The following PCDHGA12 variants were observed in gnomAD, a reference collection of about 807,000 sequenced individuals.
PCDHGA12 encodes the protein protocadherin gamma subfamily A, 12, also known as protocadherin gamma-A12.
Under a neutral mutation model 61.1 loss-of-function variants are expected in PCDHGA12, and 43 were observed. The ratio of observed to expected loss-of-function variants is 0.70; its 90% CI spans 0.55 to 0.91. The LOEUF is 0.91. PCDHGA12 is among the 40% of genes least tolerant of loss of function. The probability of loss-of-function intolerance (pLI) is 0.00; values close to 1 mark genes in which losing one functional copy is unlikely to be tolerated. For missense variants in PCDHGA12, 1,236 were observed against 1,227.7 expected (o/e 1.01, Z -0.10); for synonymous variants, 520 against 542.9 (o/e 0.96, Z 0.59).
chr5:141,484,958 G>C (rs2099604320), intron 1 of PCDHGA12: 1 of 575,756 alleles, frequency 1.7e-6, no homozygotes, highest in Non-Finnish European at 3.1e-6. Flanking sequence ...TATTGGCTGA[G>C]CCCGGGAGCC....
In PCDHGA12 at chr5:141,432,827, A is replaced by G. The variant is rs758445645; in HGVS notation, c.2068A>G (p.Thr690Ala). ...AGCTAACTCTGAAACCTCAGACCTC[A>G]CTCTGTACCTGGTGGTAGCGGTGGC... ...SPANSETSDL[T>A]LYLVVAVAAV... The change falls in exon 1 of 4, where the codon ACT becomes GCT. Residue 690 changes from threonine (T) to alanine (A), a missense_variant. By Grantham distance (58) the Thr-to-Ala change is moderately conservative. Transcript: ENST00000252085. The surrounding 1 kb of genome is among the most constrained non-coding windows in gnomAD (Gnocchi z 6.0). 9 of 1,613,142 alleles carry G rather than the reference A, an allele frequency of 5.6e-6. No individual in the cohort carries two copies. Among genetic ancestry groups the G allele is most frequent in the Admixed American group, 1.7e-5 (1 of 59,958 alleles).
At position 141,432,069 on chromosome 5, in the gene PCDHGA12, A is replaced by G. The variant is rs572724741; in HGVS notation, c.1310A>G (p.His437Arg). The change falls in exon 1 of 4, where the codon CAT becomes CGT. Residue 437 changes from histidine to arginine, a missense_variant. Physicochemically the swap from His to Arg is conservative, Grantham distance 29. Transcript: ENST00000252085. The surrounding 1 kb of genome is among the most constrained non-coding windows in gnomAD (Gnocchi z 6.0). ...ACCCCGCCCCTATCCACGGAAACTC[A>G]TATCTCGCTGAACGTGGCAGACACC... The part of the protein sequence containing the change: ...RGTPPLSTET[H>R]ISLNVADTND... 646 of 1,614,168 alleles carry G rather than the reference A, an allele frequency of 4.0e-4. 5 individuals are homozygous for G. In the South Asian group the frequency reaches 6.9e-3, roughly 17 times the overall value.
chr5:141,472,505 A>G (rs1041224118), intron 1 of PCDHGA12, among the ~76,000 whole-genome samples: 4 of 152,004 alleles, frequency 2.6e-5, no homozygotes, highest in African/African-American at 7.3e-5. Context: ...GTGCCACTGC[A>G]CTCCAGCCTG....
chr5:141,511,486 TC>T lies in PCDHGA12; in HGVS notation c.*315del. The T allele has an allele frequency of 2.2e-6, 1 of 449,906 alleles. No homozygotes were observed. 27.9% of individuals were successfully genotyped at this position (449,906 alleles called of 1,614,324 possible). A position where few individuals can be genotyped will look rare whatever the true frequency, so the allele number is the denominator to read the frequency against. On this transcript the variant is annotated 3_prime_UTR_variant, in exon 4 of 4. Transcript: ENST00000252085. ...CCCCGTTTAGTTACAGCTGAACTCC[TC>T]CATCTTCCAAATCAATCAGGCCCAT...
chr5:141,491,291 C>A lies in PCDHGA12; in HGVS notation c.2425-3516C>A. The A allele has an allele frequency of 8.1e-6, 13 of 1,614,152 alleles. No individual in the cohort carries two copies. Among genetic ancestry groups the A allele is most frequent in the Non-Finnish European group, 1.1e-5 (13 of 1,179,974 alleles). On this transcript the variant is annotated intron_variant, in intron 1 of 3. Transcript: ENST00000252085. This position sits in a 1 kb window ranked among gnomAD's most constrained non-coding sequence, Gnocchi z 6.9. The stretch of plus-strand genomic sequence containing the variant: ...AAATCCAGTGACTTCCTCATACACC[C>A]TCCTGAGCGTTCAGACCTTACCCTT...
chr5:141,495,943 CTGT>C (rs1324780860), intron 2 of PCDHGA12, among the ~76,000 whole-genome samples: 1 of 152,010 alleles, frequency 6.6e-6, no homozygotes, highest in Non-Finnish European at 1.5e-5. Flanking sequence ...GTCTCTGTGC[CTGT>C]TGTCTTTTTC....
chr5:141,508,077 G>T (rs1166570509), intron 3 of PCDHGA12: 1 of 152,446 alleles, frequency 6.6e-6, no homozygotes, highest in Non-Finnish European at 1.5e-5. Context: ...GGCTACTCTG[G>T]AGTTGCTGCC....
chr5:141,464,483 C>G (rs192469583), intron 1 of PCDHGA12, among the ~76,000 whole-genome samples: 32 of 151,368 alleles, frequency 2.1e-4, no homozygotes, highest in African/African-American at 7.3e-4. Flanking sequence ...ATAATAAATT[C>G]CTAATAGTGT....
In PCDHGA12 at chr5:141,487,715, C is replaced by T. The variant is rs1209272301; in HGVS notation, c.2425-7092C>T. 2.5e-6 allele frequency: 4 copies of T among 1,582,708 alleles called. No individual in the cohort carries two copies. The highest frequency in any genetic ancestry group is 1.8e-5 in the Admixed American group (1 of 54,696). The stretch of plus-strand genomic sequence containing the variant: ...GAGTACTGGCCTCTCAGTAAGTGCC[C>T]ATAGTGATGTCACCATTTTTGTAAG... On this transcript the variant is annotated intron_variant, in intron 1 of 3. Transcript: ENST00000252085. This position sits in a 1 kb window ranked among gnomAD's most constrained non-coding sequence, Gnocchi z 5.0.
At chr5:141,470,780 T>G (rs1436746772) in intron 1 of PCDHGA12, among the ~76,000 whole-genome samples, 1 of 152,194 alleles carries the variant, frequency 6.6e-6, no homozygotes, top group Non-Finnish European at 1.5e-5. Flanking sequence ...CTTGAATTCC[T>G]GGGCTCAAGC....
rs143779180 is a variant in PCDHGA12 at position 141,485,438 on chromosome 5, C to A, written c.2425-9369C>A. The A allele has an allele frequency of 9.9e-6, 16 of 1,614,170 alleles. No individual in the cohort carries two copies. The African/African-American group carries it at 1.3e-4, about 13-fold the overall frequency. Reference sequence around the variant, plus strand: ...CAGCGGAGCCCTGCTCATCAAGAACCCAATCGACCGAGAGGCACTGTGTGG... The same window carrying A: ...CAGCGGAGCCCTGCTCATCAAGAACACAATCGACCGAGAGGCACTGTGTGG... On this transcript the variant is annotated intron_variant, in intron 1 of 3. Coordinates refer to ENST00000252085, the MANE Select transcript of PCDHGA12 (RefSeq NM_003735.3). The surrounding 1 kb of genome is among the most constrained non-coding windows in gnomAD (Gnocchi z 5.7).
At chr5:141,482,530 C>CTAAAAA in intron 1 of PCDHGA12, among the ~76,000 whole-genome samples, 1 of 76,560 alleles carries the variant, frequency 1.3e-5, no homozygotes, top group African/African-American at 4.8e-5. Context: ...GACAGACATG[C>CTAAAAA]AAAAAAAAAA....
chr5:141,459,757 G>A (rs1360124889), intron 1 of PCDHGA12, among the ~76,000 whole-genome samples: 3 of 152,162 alleles, frequency 2.0e-5, no homozygotes, highest in Admixed American at 2.0e-4. Context: ...ATTCTAGTGG[G>A]TGTGTGATAC....
At chr5:141,488,134 A>G (rs546928916) in intron 1 of PCDHGA12, among the ~76,000 whole-genome samples, 1 of 152,332 alleles carries the variant, frequency 6.6e-6, no homozygotes, top group African/African-American at 2.4e-5. Flanking sequence ...GAAAGAGGAG[A>G]GAACTAAAGG....
chr5:141,460,979 GTGTGTATATATATATA>G (rs2099004425), intron 1 of PCDHGA12, among the ~76,000 whole-genome samples: 1 of 134,290 alleles, frequency 7.4e-6, no homozygotes, highest in Non-Finnish European at 1.5e-5. Flanking sequence ...GTGTGTGTGT[GTGTGTATATATATATA>G]TGTGTATATA....
intron 1 of PCDHGA12, among the ~76,000 whole-genome samples, chr5:141,472,980 C>CAAAAAAAAAAAAAA (rs60579131): frequency 5.8e-5 from 5 of 86,102 alleles, no homozygotes; most frequent in Admixed American, 1.2e-4. Context: ...GAGTGAAACT[C>CAAAAAAAAAAAAAA]AAAAAAAAAA....
chr5:141,430,926 C>T lies in PCDHGA12; in HGVS notation c.167C>T (p.Pro56Leu). The change falls in exon 1 of 4, where the codon CCC becomes CTC. Residue 56 changes from proline (P) to leucine (L), a missense_variant. Physicochemically the swap from Pro to Leu is moderately conservative, Grantham distance 98. Coordinates refer to ENST00000252085, the MANE Select transcript of PCDHGA12 (RefSeq NM_003735.3). ...GDISRDLGLE[P>L]RELAERGVRI... ...ATCTCCAGGGACCTGGGGCTGGAGC[C>T]CCGGGAGCTCGCGGAGCGCGGAGTC... 1 of 1,607,426 alleles carries T rather than the reference C, an allele frequency of 6.2e-7. No individual in the cohort carries two copies. The highest frequency in any genetic ancestry group is 8.5e-7 in the Non-Finnish European group (1 of 1,177,334).
chr5:141,509,499 T>C (rs895353804), intron 3 of PCDHGA12, among the ~76,000 whole-genome samples: 1 of 152,128 alleles, frequency 6.6e-6, no homozygotes, highest in Non-Finnish European at 1.5e-5. Flanking sequence ...GCATGCTGGA[T>C]GTGACGGTGT....
chr5:141,490,088 ACCACAC>A lies in PCDHGA12; in HGVS notation c.2425-4718_2425-4713del. On this transcript the variant is annotated intron_variant, in intron 1 of 3. Transcript: ENST00000252085. The surrounding 1 kb of genome is among the most constrained non-coding windows in gnomAD (Gnocchi z 5.4). The stretch of plus-strand genomic sequence containing the variant: ...GGCCAACTAGACTATTCTTTTGGAG[ACCACAC>A]ATCTGAGGCAGTGCGGAACCTCTTT... The A allele has an allele frequency of 6.2e-7, 1 of 1,614,190 alleles. No homozygotes were observed. Among genetic ancestry groups the A allele is most frequent in the Non-Finnish European group, 8.5e-7 (1 of 1,180,004 alleles).
Sources: gnomAD v4.1 joint callset for allele counts (sites outside exome capture counted in the v4.1 genomes callset) on GRCh38, gnomAD v4.1.1 for gene constraint, Gnocchi (gnomAD v3.1) non-coding constraint, MANE v1.5 for transcripts, NCBI Gene and HGNC (gene_info 2026-07-23, HGNC 2026-07-21) for gene names.